The following EDN3 variants were observed in gnomAD, a reference collection of about 807,000 sequenced individuals.
EDN3 encodes the protein endothelin-3.
A neutral mutation model predicts 21.4 loss-of-function variants in EDN3; 9 were observed. That is an observed-to-expected ratio of 0.42 (90% CI 0.25 to 0.73). EDN3 has a LOEUF of 0.73. Among genes scored for constraint, EDN3 ranks in the 30% least tolerant of loss-of-function variants. The pLI, the probability that EDN3 is intolerant of heterozygous loss-of-function variation, is 0.26. For synonymous variants in EDN3, 133 were observed against 126.2 expected (o/e 1.05, Z -0.36); for missense variants, 327 against 309.4 (o/e 1.06, Z -0.43).
rs1048508071 is a variant in EDN3, at chr20:59,322,291, G to T, written c.543-81G>T. 3.3e-6 allele frequency: 5 copies of T among 1,501,674 alleles called. No individual in the cohort carries two copies. The highest frequency in any genetic ancestry group is 4.6e-6 in the Non-Finnish European group (5 of 1,078,478). The allele number at this position is 1,501,674 out of a possible 1,614,324, so 93.0% of individuals were successfully genotyped here. On this transcript the variant is annotated intron_variant, in intron 3 of 4. Transcript: ENST00000337938. The surrounding 1 kb of genome is among the most constrained non-coding windows in gnomAD (Gnocchi z 4.1). ...CACTAATGTGCTCATTGGTGGGGAA[G>T]AGGAAGTCATAATTTGACACCGAAA...
Position 59,322,162 on chromosome 20 carries a change from G to A in EDN3, c.543-210G>A, listed in dbSNP as rs781238144. Among the ~76,000 whole-genome samples, 7 of 152,292 alleles carry A rather than the reference G, an allele frequency of 4.6e-5. No homozygotes were observed. Among genetic ancestry groups the A allele is most frequent in the East Asian group, 1.9e-4 (1 of 5,184 alleles). ...CCCCCTTCTGGGCTTTTAAACATCC[G>A]ATGAATAAGTGAGTGGTGAGTATAT... is the stretch of plus-strand genomic sequence containing the variant. On this transcript the variant is annotated intron_variant, in intron 3 of 4. Coordinates refer to ENST00000337938, the MANE Select transcript of EDN3 (RefSeq NM_207034.3). This position sits in a 1 kb window ranked among gnomAD's most constrained non-coding sequence, Gnocchi z 4.1.
intron 2 of EDN3, 38 bp from the exon 3 acceptor site, chr20:59,320,979 C>G: frequency 6.2e-7 from 1 of 1,613,394 alleles, no homozygotes; most frequent in Non-Finnish European, 8.5e-7. Flanking sequence ...GCAGGGAGGC[C>G]TGGGTGTGCT....
chr20:59,301,833 G>A, intron 2 of EDN3, 111 bp downstream of exon 2: 9 of 1,268,388 alleles, frequency 7.1e-6, no homozygotes, highest in Non-Finnish European at 1.0e-5. Context: ...CCCAGAGCCT[G>A]CCCTGGCACA....
chr20:59,303,969 G>A (rs1989226381), intron 2 of EDN3, among the ~76,000 whole-genome samples: 1 of 152,126 alleles, frequency 6.6e-6, no homozygotes, highest in African/African-American at 2.4e-5. Flanking sequence ...AAATTAGACA[G>A]GTAAAATAAT....
rs774677295 is a variant in EDN3, at chr20:59,322,526, A to G, written c.588+109A>G. 5 of 1,438,662 alleles carry G rather than the reference A, an allele frequency of 3.5e-6. No homozygotes were observed. The highest frequency in any genetic ancestry group is 4.9e-6 in the Non-Finnish European group (5 of 1,028,234). 89.1% of individuals were successfully genotyped at this position (1,438,662 alleles called of 1,614,324 possible). A position where few individuals can be genotyped will look rare whatever the true frequency, so the allele number is the denominator to read the frequency against. On this transcript the variant is annotated intron_variant, in intron 4 of 4. Coordinates refer to ENST00000337938, the MANE Select transcript of EDN3 (RefSeq NM_207034.3). This position sits in a 1 kb window ranked among gnomAD's most constrained non-coding sequence, Gnocchi z 4.1. ...GAGGGGATGGCATCTGGTCTGGTCC[A>G]GTGGGAACCCCAGATCTCATGGGAT...
At chr20:59,308,232 G>A (rs1344093015) in intron 2 of EDN3, among the ~76,000 whole-genome samples, 1 of 152,128 alleles carries the variant, frequency 6.6e-6, no homozygotes, top group Non-Finnish European at 1.5e-5. Flanking sequence ...GAGGGCGAGG[G>A]ACCCCCAGGC....
intron 1 of EDN3, 126 bp downstream of exon 1, chr20:59,300,990 G>C: frequency 8.7e-7 from 1 of 1,151,888 alleles, no homozygotes. Flanking sequence ...CTCTGCACTC[G>C]TGAAGACGCC....
intron 1 of EDN3, 23 bp downstream of exon 1, chr20:59,300,887 C>G (rs761710248): frequency 6.2e-7 from 1 of 1,608,690 alleles, no homozygotes; most frequent in South Asian, 1.1e-5. Context: ...GGCGGCGCGC[C>G]TCTCCTGGCG....
At position 59,301,686 on chromosome 20, in the gene EDN3, A is replaced by G. The variant is rs1989049949; in HGVS notation, c.329A>G (p.Tyr110Cys). The change falls in exon 2 of 5, where the codon TAT becomes TGT. Residue 110 changes from tyrosine to cysteine, a missense_variant. By Grantham distance (194) the Tyr-to-Cys change is radical. Coordinates refer to ENST00000337938, the MANE Select transcript of EDN3 (RefSeq NM_207034.3). ...TACAAGGACAAGGAGTGTGTCTACT[A>G]TTGCCACCTGGACATCATTTGGATC... ...FTYKDKECVY[Y>C]CHLDIIWINT... 6.2e-7 allele frequency: 1 copy of G among 1,614,108 alleles called. No individual in the cohort carries two copies. Among genetic ancestry groups the G allele is most frequent in the Non-Finnish European group, 8.5e-7 (1 of 1,180,002 alleles).
chr20:59,316,328 G>T (rs1046271307), intron 2 of EDN3, among the ~76,000 whole-genome samples: 2 of 152,238 alleles, frequency 1.3e-5, no homozygotes, highest in South Asian at 4.1e-4. Flanking sequence ...TTTACCCGGA[G>T]TCTAGTCCAG....
chr20:59,319,228 A>T (rs1990372306), intron 2 of EDN3, among the ~76,000 whole-genome samples: 1 of 151,854 alleles, frequency 6.6e-6, no homozygotes, highest in African/African-American at 2.4e-5. Flanking sequence ...GGGGAGAACA[A>T]GAGTCAACGA....
chr20:59,323,660 C>G (rs1173593667), intron 4 of EDN3: 1 of 399,944 alleles, frequency 2.5e-6, no homozygotes. Context: ...TCATCTTTCT[C>G]ACCAGGTGAC....
At chr20:59,316,634 G>A (rs1422523365) in intron 2 of EDN3, among the ~76,000 whole-genome samples, 3 of 152,224 alleles carry the variant, frequency 2.0e-5, no homozygotes, top group Admixed American at 1.3e-4. Flanking sequence ...TTCTTGTAGA[G>A]AGAAATAAAG....
intron 2 of EDN3, among the ~76,000 whole-genome samples, chr20:59,318,698 C>T (rs11570330): frequency 2.3e-4 from 35 of 152,250 alleles, no homozygotes; most frequent in Admixed American, 1.5e-3. Flanking sequence ...AGCACTTTAC[C>T]GCGCTTGGCG....
At chr20:59,321,733 T>C (rs1370726339) in intron 3 of EDN3, among the ~76,000 whole-genome samples, 1 of 152,164 alleles carries the variant, frequency 6.6e-6, no homozygotes. Context: ...CATTTACCTG[T>C]TACCAATTTA....
intron 2 of EDN3, 74 bp from the exon 3 acceptor site, chr20:59,320,943 C>G: frequency 6.5e-7 from 1 of 1,538,156 alleles, no homozygotes; most frequent in South Asian, 1.1e-5. Flanking sequence ...CGGTGGTTCT[C>G]GCTCCACACC....
intron 2 of EDN3, 59 bp from the exon 3 acceptor site, chr20:59,320,958 G>T: frequency 6.2e-7 from 1 of 1,603,032 alleles, no homozygotes; most frequent in Non-Finnish European, 8.5e-7. Flanking sequence ...CACACCCTTG[G>T]GGGCCCCTGA....
rs886056880 is a variant in EDN3, at chr20:59,324,603, C to A, written c.*144C>A. 1.9e-4 allele frequency: 204 copies of A among 1,102,036 alleles called. No individual in the cohort carries two copies. The highest frequency in any genetic ancestry group is 1.8e-4 in the East Asian group (7 of 38,574). The allele number at this position is 1,102,036 out of a possible 1,614,324, so 68.3% of individuals were successfully genotyped here. On this transcript the variant is annotated 3_prime_UTR_variant, in exon 5 of 5. Transcript: ENST00000337938. ...AAGAGTCCCCACTTAACAATACCCC[C>A]CCCCCACGGCAAGAATGCCCAAATC... is the stretch of plus-strand genomic sequence containing the variant.
At position 59,316,398 on chromosome 20, in the gene EDN3, G is replaced by A. The variant is rs191158045; in HGVS notation, c.366-4619G>A. ...GTTGAATGCTATTCAGTTGTGGGGG[G>A]TGGAATAAAAACTGGGTTTTCAATA... On this transcript the variant is annotated intron_variant, in intron 2 of 4. Coordinates refer to ENST00000337938, the MANE Select transcript of EDN3 (RefSeq NM_207034.3). Among the ~76,000 whole-genome samples the A allele has an allele frequency of 1.7e-3, 257 of 152,314 alleles. 4 individuals are homozygous for A. The highest frequency in any genetic ancestry group is 4.0e-4 in the Non-Finnish European group (27 of 68,026).
Sources: allele counts gnomAD v4.1 joint callset (sites outside exome capture counted in the v4.1 genomes callset), GRCh38; gene constraint gnomAD v4.1.1; non-coding constraint Gnocchi (gnomAD v3.1); transcripts MANE v1.5; gene names NCBI Gene and HGNC (gene_info 2026-07-23, HGNC 2026-07-21).